Variants in TRPM2 observed in about 807,000 individuals in gnomAD.
TRPM2 encodes the protein transient receptor potential cation channel subfamily M member 2.
A neutral mutation model predicts 174.0 loss-of-function variants in TRPM2; 161 were observed. That is an observed-to-expected ratio of 0.93 (90% CI 0.81 to 1.05). The LOEUF is 1.05. TRPM2 is among the 50% of genes least tolerant of loss of function. The pLI is 0.00. For synonymous variants in TRPM2, 954 were observed against 861.3 expected (o/e 1.11, Z -1.88); for missense variants, 2,057 against 2,038.0 (o/e 1.01, Z -0.18).
At chr21:44,380,617 G>A (rs953208011) in intron 8 of TRPM2, among the ~76,000 whole-genome samples, 2 of 152,184 alleles carry the variant, frequency 1.3e-5, no homozygotes, top group Admixed American at 1.3e-4. Flanking sequence ...GTGGGGAGGG[G>A]CCCAGCCATG....
chr21:44,439,160 G>A lies in TRPM2; in HGVS notation c.4261G>A (p.Gly1421Ser), dbSNP rs142254503. The change falls in exon 30 of 32, where the codon GGC (glycine) becomes AGC (serine). Residue 1421 changes from glycine (G) to serine (S), a missense_variant. Transcript: ENST00000397928. This position sits in a 1 kb window ranked among gnomAD's most constrained non-coding sequence, Gnocchi z 5.1. ...WPSFENLLKC[G>S]MEVYKGYMDD... Reference sequence around the variant, plus strand: ...GTCTTTTGAAAACTTGCTGAAGTGCGGCATGGAGGTATTCCTGGCCTGTTT... The same window carrying A: ...GTCTTTTGAAAACTTGCTGAAGTGCAGCATGGAGGTATTCCTGGCCTGTTT... 9.5e-5 allele frequency: 154 copies of A among 1,613,376 alleles called. 1 individual carries two copies. In the African/African-American group the frequency reaches 1.3e-3, roughly 13 times the overall value.
At chr21:44,368,400 C>A (rs2048418724) in intron 4 of TRPM2, among the ~76,000 whole-genome samples, 1 of 151,552 alleles carries the variant, frequency 6.6e-6, no homozygotes, top group Non-Finnish European at 1.5e-5. Flanking sequence ...AGCCACCATG[C>A]CTGGCTGATT....
intron 19 of TRPM2, among the ~76,000 whole-genome samples, chr21:44,410,648 C>T (rs1282611846): frequency 2.7e-5 from 2 of 75,422 alleles, no homozygotes; most frequent in African/African-American, 7.9e-5. Flanking sequence ...TAAGTTTTGA[C>T]CTCACTGTCT....
rs764111499 is a variant in TRPM2, at chr21:44,369,232, G to A, written c.660G>A (p.Glu220=). The A allele has an allele frequency of 3.5e-5, 56 of 1,613,688 alleles. 2 individuals carry two copies. The highest frequency in any genetic ancestry group is 3.1e-4 in the South Asian group (28 of 91,078). Residue 220 remains glutamate, a synonymous_variant, in exon 5 of 32, where the codon GAG becomes GAA. Coordinates refer to ENST00000397928, the MANE Select transcript of TRPM2 (RefSeq NM_003307.4). ...CCGGCGTCATGAAGCAGGTAGGCGA[G>A]GCGGTGCGGGACTTCAGCCTGAGCA... ...SHTGVMKQVG[E]AVRDFSLSSS...
At chr21:44,419,561 A>G (rs113868719) in intron 22 of TRPM2, among the ~76,000 whole-genome samples, 4 of 10,452 alleles carry the variant, frequency 3.8e-4, no homozygotes, top group Non-Finnish European at 9.5e-4. Context: ...TGCGATGGTG[A>G]TGGTGGTGGT....
chr21:44,403,955 CACAT>C (rs969487222), intron 16 of TRPM2, among the ~76,000 whole-genome samples: 12 of 77,898 alleles, frequency 1.5e-4, no homozygotes, highest in African/African-American at 1.9e-4. Flanking sequence ...CACATATGCA[CACAT>C]ACATACACAC....
intron 29 of TRPM2, 104 bp downstream of exon 29, chr21:44,437,271 C>T (rs2051311023): frequency 9.3e-7 from 1 of 1,080,236 alleles, no homozygotes; most frequent in Non-Finnish European, 1.3e-6. Context: ...CCTGCAGCCC[C>T]CTGCAGCCCC....
chr21:44,379,339 C>T (rs2048807101), intron 8 of TRPM2, 142 bp downstream of exon 8: 2 of 957,470 alleles, frequency 2.1e-6, no homozygotes, highest in African/African-American at 1.6e-5. Context: ...TTGCAGAGGG[C>T]AGGGCCCAGG....
At chr21:44,377,059 G>A (rs140959715) in intron 6 of TRPM2, among the ~76,000 whole-genome samples, 26 of 149,696 alleles carry the variant, frequency 1.7e-4, no homozygotes, top group African/African-American at 6.1e-4. Context: ...CCTGGTGAGG[G>A]CGATGCTGCA....
chr21:44,420,277 G>T (rs1459696501), intron 22 of TRPM2, among the ~76,000 whole-genome samples: 2 of 152,100 alleles, frequency 1.3e-5, no homozygotes, highest in Non-Finnish European at 2.9e-5. Flanking sequence ...CCCATCCCCT[G>T]TCGTTCTGGA....
chr21:44,441,713 G>A lies in TRPM2; in HGVS notation c.4408G>A (p.Gly1470Arg). The A allele has an allele frequency of 6.2e-7, 1 of 1,611,704 alleles. No homozygotes were observed. The highest frequency in any genetic ancestry group is 1.3e-5 in the African/African-American group (1 of 75,040). Residue 1470 changes from glycine to arginine, a missense_variant, in exon 32 of 32, where the codon GGG becomes AGG. Transcript: ENST00000397928. ...CCAGAACCTGCACGCCTGCGACTCG[G>A]GGGCCTCCATCCGATGGCAGGTGGT... The part of the protein sequence containing the change: ...LNSNLHACDS[G>R]ASIRWQVVDR...
At chr21:44,388,837 A>T (rs2049090685) in intron 9 of TRPM2, among the ~76,000 whole-genome samples, 1 of 151,608 alleles carries the variant, frequency 6.6e-6, no homozygotes, top group African/African-American at 2.4e-5. Context: ...CCTGTCTCAA[A>T]AACAAAAACA....
intron 27 of TRPM2, among the ~76,000 whole-genome samples, chr21:44,433,300 G>GGCA (rs1322369006): frequency 6.6e-6 from 1 of 152,224 alleles, no homozygotes; most frequent in African/African-American, 2.4e-5. Flanking sequence ...GGCAGAGCGT[G>GGCA]TGGCCTCCTC....
At position 44,406,666 on chromosome 21, in the gene TRPM2, A is replaced by T. The variant is rs749832969; in HGVS notation, c.2863A>T (p.Ile955Phe). 16 of 1,610,666 alleles carry T rather than the reference A, an allele frequency of 9.9e-6. No individual in the cohort carries two copies. Among genetic ancestry groups the T allele is most frequent in the Non-Finnish European group, 1.4e-5 (16 of 1,179,454 alleles). ...GTCCTTCGGGGTGGCCAAGCAGGCC[A>T]TCCTCATCCACAACGAGCGCCGGGT... Reference protein sequence around the residue: ...VVSFGVAKQAILIHNERRVDW... With the variant: ...VVSFGVAKQAFLIHNERRVDW... Residue 955 changes from isoleucine (I) to phenylalanine (F), a missense_variant, in exon 19 of 32, where the codon ATC becomes TTC. Ile to Phe is a conservative substitution (Grantham distance 21). Transcript: ENST00000397928.
At chr21:44,414,453 T>G in intron 20 of TRPM2, 1 of 220,870 alleles carries the variant, frequency 4.5e-6, no homozygotes, top group Non-Finnish European at 9.3e-6. Flanking sequence ...CTCACTGCTC[T>G]ACCCGGGGAG....
At chr21:44,375,065 C>A (rs1460210885) in intron 5 of TRPM2, among the ~76,000 whole-genome samples, 1 of 152,186 alleles carries the variant, frequency 6.6e-6, no homozygotes, top group Admixed American at 6.5e-5. Flanking sequence ...GTGTGCACCA[C>A]CATGCCCGGC....
intron 27 of TRPM2, among the ~76,000 whole-genome samples, chr21:44,428,496 C>T (rs1232920741): frequency 2.0e-5 from 3 of 148,094 alleles, no homozygotes; most frequent in African/African-American, 7.6e-5. Flanking sequence ...GTGGCTCCTC[C>T]CCTGAGGTGT....
At chr21:44,407,592 C>G (rs1018708113) in intron 19 of TRPM2, among the ~76,000 whole-genome samples, 1 of 150,952 alleles carries the variant, frequency 6.6e-6, no homozygotes, top group East Asian at 2.0e-4. Flanking sequence ...ACCCTGCATA[C>G]TCACAGTCAC....
intron 27 of TRPM2, among the ~76,000 whole-genome samples, chr21:44,434,170 G>A (rs73377622): frequency 0.11 from 16,963 of 152,174 alleles, 1,079 homozygotes; most frequent in South Asian, 0.23. Flanking sequence ...GATGGGGTCT[G>A]GAGGTCAGAG....
Sources: allele counts gnomAD v4.1 joint callset (sites outside exome capture counted in the v4.1 genomes callset), GRCh38; gene constraint gnomAD v4.1.1; non-coding constraint Gnocchi (gnomAD v3.1); transcripts MANE v1.5; gene names NCBI Gene and HGNC (gene_info 2026-07-23, HGNC 2026-07-21).